Variants in RASAL1 observed in about 807,000 individuals in gnomAD.
The protein encoded by RASAL1 is rasGAP-activating-like protein 1.
Under a neutral mutation model 96.6 loss-of-function variants are expected in RASAL1, and 72 were observed. The ratio of observed to expected loss-of-function variants is 0.75; its 90% CI spans 0.62 to 0.91. RASAL1 has a LOEUF of 0.91. RASAL1 is among the 40% of genes least tolerant of loss of function. The probability of loss-of-function intolerance (pLI) is 0.00; values close to 1 mark genes in which losing one functional copy is unlikely to be tolerated. For missense variants in RASAL1, 1,016 were observed against 1,072.5 expected (o/e 0.95, Z 0.74); for synonymous variants, 405 against 430.4 (o/e 0.94, Z 0.73).
At chr12:113,114,540 T>C (rs1950994643) in intron 12 of RASAL1, among the ~76,000 whole-genome samples, 1 of 151,950 alleles carries the variant, frequency 6.6e-6, no homozygotes, top group Non-Finnish European at 1.5e-5. Flanking sequence ...AACAGAAGTT[T>C]TGGCAACTTT....
chr12:113,115,038 C>A lies in RASAL1; in HGVS notation c.1069-126G>T. On this transcript the variant is annotated intron_variant, in intron 11 of 20. Transcript: ENST00000548055. The surrounding 1 kb of genome is among the most constrained non-coding windows in gnomAD (Gnocchi z 4.1). ...GAGGCCAGGGCTGGGGTAGGGGACA[C>A]ATCCAGGTGCAACTCAGGGCAAGGC... The A allele has an allele frequency of 9.4e-7, 1 of 1,058,720 alleles. No individual in the cohort carries two copies. The highest frequency in any genetic ancestry group is 1.5e-6 in the Non-Finnish European group (1 of 687,428). 65.6% of individuals were successfully genotyped at this position (1,058,720 alleles called of 1,614,324 possible).
intron 1 of RASAL1, among the ~76,000 whole-genome samples, chr12:113,132,020 G>A (rs1037957760): frequency 1.4e-5 from 2 of 141,902 alleles, no homozygotes; most frequent in African/African-American, 5.3e-5. Context: ...CACCCAGGCT[G>A]GAGTGCAGTG....
At chr12:113,120,212 C>G (rs775863337) in intron 5 of RASAL1, among the ~76,000 whole-genome samples, 5 of 152,176 alleles carry the variant, frequency 3.3e-5, no homozygotes, top group Non-Finnish European at 7.4e-5. Context: ...CCCTGCTTAG[C>G]ATCCAAAGCC....
At position 113,115,142 on chromosome 12, in the gene RASAL1, C is replaced by A; in HGVS notation, c.1068+58G>T. ...GCTAAGTGAGGGAGCCAGGTAGGCA[C>A]TGGGAAGGAGGTACCCGAGGAAGCT... On this transcript the variant is annotated intron_variant, in intron 11 of 20. Coordinates refer to ENST00000548055, the MANE Select transcript of RASAL1 (RefSeq NM_001301202.2). The surrounding 1 kb of genome is among the most constrained non-coding windows in gnomAD (Gnocchi z 4.1). 1 of 1,518,156 alleles carries A rather than the reference C, an allele frequency of 6.6e-7. No homozygotes were observed. The highest frequency in any genetic ancestry group is 9.1e-7 in the Non-Finnish European group (1 of 1,093,938). The allele number at this position is 1,518,156 out of a possible 1,614,324, so 94.0% of individuals were successfully genotyped here. A position where few individuals can be genotyped will look rare whatever the true frequency, so the allele number is the denominator to read the frequency against.
intron 13 of RASAL1, among the ~76,000 whole-genome samples, chr12:113,110,705 AG>A: frequency 6.6e-6 from 1 of 152,294 alleles, no homozygotes; most frequent in Admixed American, 6.5e-5. Flanking sequence ...GGACTGCTTG[AG>A]GCTAGGAGTT....
intron 4 of RASAL1, among the ~76,000 whole-genome samples, chr12:113,123,057 T>G (rs924217211): frequency 5.9e-5 from 9 of 152,272 alleles, no homozygotes; most frequent in Admixed American, 2.0e-4. Context: ...TTTTTTATTT[T>G]GACAATTATA....
chr12:113,103,831 C>A, intron 18 of RASAL1, 115 bp downstream of exon 18: 3 of 1,326,360 alleles, frequency 2.3e-6, no homozygotes, highest in Non-Finnish European at 3.1e-6. Context: ...GAGACTGAGG[C>A]ATAGAGAGGT....
At chr12:113,101,712 G>A (rs1245336215) in intron 19 of RASAL1, among the ~76,000 whole-genome samples, 177 bp downstream of exon 19, 1 of 143,640 alleles carries the variant, frequency 7.0e-6, no homozygotes, top group Non-Finnish European at 1.6e-5. Flanking sequence ...CCCTCCCACT[G>A]AGGATGCTTC....
intron 13 of RASAL1, 119 bp from the exon 14 acceptor site, chr12:113,108,341 A>G: frequency 8.1e-7 from 1 of 1,233,550 alleles, no homozygotes; most frequent in Non-Finnish European, 1.1e-6. Context: ...GGAATTGACC[A>G]GGAAGCCACA....
At chr12:113,118,714 A>G (rs1951176080) in intron 7 of RASAL1, among the ~76,000 whole-genome samples, 1 of 152,144 alleles carries the variant, frequency 6.6e-6, no homozygotes, top group African/African-American at 2.4e-5. Context: ...TCTTAGCCAT[A>G]TGACCTTGAA....
chr12:113,101,533 ATC>A (rs1302043303), intron 19 of RASAL1, among the ~76,000 whole-genome samples: 1 of 152,220 alleles, frequency 6.6e-6, no homozygotes, highest in Non-Finnish European at 1.5e-5. Flanking sequence ...GTTGGGACAA[ATC>A]TCTGTCACCA....
chr12:113,121,626 C>T lies in RASAL1; in HGVS notation c.311G>A (p.Trp104Ter), dbSNP rs747790272. Residue 104 changes from tryptophan to a stop codon, truncating the protein, a stop_gained, in exon 5 of 21, where the codon TGG (tryptophan) becomes TAG (stop). Transcript: ENST00000548055. LOFTEE classifies it high-confidence loss of function. ...ITADPRGIDS[W>*]INLSRVDPDA... ...TGGGTCCACTCGGCTCAAGTTAATC[C>T]AGCTGTCAATCCCTGAAGGGCACAG... is the stretch of plus-strand genomic sequence containing the variant. The T allele has an allele frequency of 1.2e-6, 2 of 1,614,092 alleles. No homozygotes were observed. The highest frequency in any genetic ancestry group is 2.7e-5 in the African/African-American group (2 of 74,940).
intron 1 of RASAL1, among the ~76,000 whole-genome samples, chr12:113,132,224 C>T (rs1402365109): frequency 6.6e-6 from 1 of 152,106 alleles, no homozygotes; most frequent in Non-Finnish European, 1.5e-5. Context: ...CCACCCGCCT[C>T]GGCCTCCCAA....
intron 7 of RASAL1, among the ~76,000 whole-genome samples, chr12:113,118,604 C>T (rs1951173507): frequency 1.3e-5 from 2 of 152,112 alleles, no homozygotes; most frequent in Admixed American, 1.3e-4. Context: ...GACAGGGAAA[C>T]CAAGAGAAAG....
At position 113,104,039 on chromosome 12, in the gene RASAL1, C is replaced by A; in HGVS notation, c.2011G>T (p.Ala671Ser). 1 of 1,559,602 alleles carries A rather than the reference C, an allele frequency of 6.4e-7. No individual in the cohort carries two copies. Reference sequence around the variant, plus strand: ...AGCTTGTTCGGGTTGGGGGCGCTGGCCTTGCGCAAGGCCGAGAGCCACTGG... The same window carrying A: ...AGCTTGTTCGGGTTGGGGGCGCTGGACTTGCGCAAGGCCGAGAGCCACTGG... ...LNQWLSALRK[A>S]SAPNPNKLAA... is the part of the protein sequence containing the mutation. The change falls in exon 18 of 21, where the codon GCC (alanine) becomes TCC (serine). Residue 671 changes from alanine to serine, a missense_variant. Coordinates refer to ENST00000548055, the MANE Select transcript of RASAL1 (RefSeq NM_001301202.2).
intron 4 of RASAL1, among the ~76,000 whole-genome samples, chr12:113,127,258 A>G (rs1478612831): frequency 2.6e-5 from 4 of 152,170 alleles, no homozygotes; most frequent in Non-Finnish European, 4.4e-5. Flanking sequence ...AAGGACATAC[A>G]AGAAGCTGAC....
rs766592126 is a variant in RASAL1, at chr12:113,101,901, C to T, written c.2213G>A (p.Arg738Gln). 25 of 1,613,606 alleles carry T rather than the reference C, an allele frequency of 1.5e-5. No individual in the cohort carries two copies. The highest frequency in any genetic ancestry group is 1.1e-4 in the East Asian group (5 of 44,862). ...TGGGGGCACCCACCTGAGCTGGTCC[C>T]GCCCCAGGAGCAGCTGCCGATACAC... The part of the protein sequence containing the change: ...QTVYRQLLLG[R>Q]DQLRLKLLED... Residue 738 changes from arginine (R) to glutamine (Q), a missense_variant, in exon 19 of 21, where the codon CGG becomes CAG. Physicochemically the swap from Arg to Gln is conservative, Grantham distance 43. Transcript: ENST00000548055.
At chr12:113,112,775 A>C (rs1178832887) in intron 12 of RASAL1, among the ~76,000 whole-genome samples, 13 of 151,902 alleles carry the variant, frequency 8.6e-5, no homozygotes. Context: ...ACATGGTGAA[A>C]CTCCATCTCC....
At chr12:113,119,025 A>T in intron 7 of RASAL1, 103 bp downstream of exon 7, 1 of 1,387,264 alleles carries the variant, frequency 7.2e-7, no homozygotes, top group Non-Finnish European at 9.8e-7. Flanking sequence ...AGGCAGCTGT[A>T]CATCCACCCT....
Sources: gnomAD v4.1 joint callset for allele counts (sites outside exome capture counted in the v4.1 genomes callset) on GRCh38, gnomAD v4.1.1 for gene constraint, Gnocchi (gnomAD v3.1) non-coding constraint, MANE v1.5 for transcripts, NCBI Gene and HGNC (gene_info 2026-07-23, HGNC 2026-07-21) for gene names.